Variants in FHIT observed in about 807,000 individuals in gnomAD.
FHIT encodes the protein bis(5'-adenosyl)-triphosphatase.
FHIT carries 19 observed loss-of-function variants against 17.9 expected under a neutral mutation model. The ratio of observed to expected loss-of-function variants is 1.06; its 90% CI spans 0.74 to 1.56. The LOEUF is 1.56. Ranked by LOEUF, FHIT falls within the 40% of genes most tolerant of loss-of-function variation. The probability of loss-of-function intolerance (pLI) is 0.00; values close to 1 mark genes in which losing one functional copy is unlikely to be tolerated. For missense variants in FHIT, 248 were observed against 189.2 expected (o/e 1.31, Z -1.82); for synonymous variants, 81 against 69.7 (o/e 1.16, Z -0.81).
intron 5 of FHIT, among the ~76,000 whole-genome samples, chr3:60,374,876 T>G (rs1369241584): frequency 6.6e-6 from 1 of 152,078 alleles, no homozygotes; most frequent in African/African-American, 2.4e-5. Flanking sequence ...TGCAGTTTTC[T>G]TTGCTGCTCT....
intron 2 of FHIT, among the ~76,000 whole-genome samples, chr3:61,182,521 C>A (rs2038372943): frequency 1.3e-5 from 2 of 152,134 alleles, no homozygotes; most frequent in South Asian, 4.1e-4. Context: ...TAGAAGGAAA[C>A]TGAAAAGATT....
At chr3:59,953,839 T>G (rs1707251622) in intron 7 of FHIT, among the ~76,000 whole-genome samples, 1 of 152,170 alleles carries the variant, frequency 6.6e-6, no homozygotes, top group African/African-American at 2.4e-5. Context: ...GTACCCCGAG[T>G]GTGTGCCTGG....
chr3:59,848,502 T>G (rs1235924530), intron 8 of FHIT, among the ~76,000 whole-genome samples: 3 of 152,208 alleles, frequency 2.0e-5, no homozygotes, highest in Non-Finnish European at 4.4e-5. Context: ...AGTAATCTTC[T>G]AAAATAATAT....
intron 5 of FHIT, among the ~76,000 whole-genome samples, chr3:60,414,363 G>T (rs184935466): frequency 1.9e-4 from 29 of 152,262 alleles, no homozygotes; most frequent in Non-Finnish European, 3.5e-4. Context: ...ACAGAAAGGG[G>T]CCTGAGCTGA....
In FHIT at chr3:59,780,339, G is replaced by A. The variant is rs180978342; in HGVS notation, c.349-28018C>T. Among the ~76,000 whole-genome samples the A allele has an allele frequency of 2.5e-3, 377 of 152,346 alleles. 1 individual carries two copies. The highest frequency in any genetic ancestry group is 4.0e-3 in the Non-Finnish European group (275 of 68,038). On this transcript the variant is annotated intron_variant, in intron 8 of 9. Coordinates refer to ENST00000492590, the MANE Select transcript of FHIT (RefSeq NM_002012.4). ...TTGCTTTGTTCTTGTTACAGATGAA[G>A]AAGTAGAATGTCAGTGGATTACAGT...
At chr3:60,507,748 C>G (rs2034792340) in intron 5 of FHIT, among the ~76,000 whole-genome samples, 1 of 152,150 alleles carries the variant, frequency 6.6e-6, no homozygotes, top group Admixed American at 6.6e-5. Context: ...TCATTTAACT[C>G]CCACTTATAA....
chr3:60,495,423 T>G (rs1435320575), intron 5 of FHIT, among the ~76,000 whole-genome samples: 1 of 151,782 alleles, frequency 6.6e-6, no homozygotes, highest in East Asian at 1.9e-4. Context: ...CCAAAAAGTT[T>G]ATGGGGCTTT....
chr3:60,151,842 C>A (rs957041193), intron 5 of FHIT, among the ~76,000 whole-genome samples: 1 of 152,158 alleles, frequency 6.6e-6, no homozygotes, highest in Non-Finnish European at 1.5e-5. Flanking sequence ...AAATAAGGCC[C>A]CTTTCCTAAT....
At chr3:60,528,239 G>A (rs2035646490) in intron 5 of FHIT, among the ~76,000 whole-genome samples, 1 of 152,042 alleles carries the variant, frequency 6.6e-6, no homozygotes. Flanking sequence ...CCAAAACTCT[G>A]GGATTACAGG....
At chr3:60,209,998 G>C (rs1703375147) in intron 5 of FHIT, among the ~76,000 whole-genome samples, 1 of 152,126 alleles carries the variant, frequency 6.6e-6, no homozygotes, top group South Asian at 2.1e-4. Context: ...AACCACCATG[G>C]CACACGTATA....
intron 5 of FHIT, among the ~76,000 whole-genome samples, chr3:60,443,205 C>T (rs924750628): frequency 2.6e-5 from 4 of 152,190 alleles, no homozygotes; most frequent in Non-Finnish European, 5.9e-5. Context: ...GATATACAAT[C>T]ATGTCATCTG....
At chr3:60,094,456 A>G (rs142167639) in intron 5 of FHIT, among the ~76,000 whole-genome samples, 45 of 152,256 alleles carry the variant, frequency 3.0e-4, no homozygotes, top group African/African-American at 1.0e-3. Flanking sequence ...AAATGCCCAC[A>G]TAGGCAATAC....
intron 7 of FHIT, among the ~76,000 whole-genome samples, chr3:59,978,820 A>C (rs13072228): frequency 1.3e-5 from 2 of 151,100 alleles, no homozygotes; most frequent in African/African-American, 2.4e-5. Flanking sequence ...ACCTTAAAAA[A>C]AGGCTAAAAC....
intron 5 of FHIT, among the ~76,000 whole-genome samples, chr3:60,484,046 A>T (rs573214037): frequency 3.7e-4 from 57 of 152,284 alleles, no homozygotes; most frequent in Non-Finnish European, 6.3e-4. Context: ...AGACAAGCAG[A>T]GAGCCAAATC....
chr3:60,694,296 T>TA lies in FHIT; in HGVS notation c.-18+127622dup, dbSNP rs781892478. On this transcript the variant is annotated intron_variant, in intron 4 of 9. Transcript: ENST00000492590. ...CTAGCCAATGTGAAGCAACATTAAA[T>TA]AAAAAAAAAAAGAAAGGAAAGAAAG... Among the ~76,000 whole-genome samples, 219 of 119,412 alleles carry TA rather than the reference T, an allele frequency of 1.8e-3. 1 individual carries two copies. Among genetic ancestry groups the TA allele is most frequent in the East Asian group, 9.7e-3 (41 of 4,244 alleles). The allele number at this position is 119,412 out of a possible 152,430, so 78.3% of individuals were successfully genotyped here.
At chr3:60,232,598 G>A (rs754097565) in intron 5 of FHIT, among the ~76,000 whole-genome samples, 53 of 152,084 alleles carry the variant, frequency 3.5e-4, no homozygotes, top group Non-Finnish European at 6.0e-4. Flanking sequence ...AATTATTAGC[G>A]TCCCACATTC....
chr3:60,773,153 T>G (rs1700102946), intron 4 of FHIT, among the ~76,000 whole-genome samples: 1 of 152,146 alleles, frequency 6.6e-6, no homozygotes, highest in South Asian at 2.1e-4. Flanking sequence ...TCACAGAATT[T>G]CAAGGCTGCA....
chr3:59,981,408 T>C (rs948737962), intron 7 of FHIT, among the ~76,000 whole-genome samples: 16 of 152,136 alleles, frequency 1.1e-4, no homozygotes, highest in African/African-American at 2.2e-4. Context: ...AAATGGGCCA[T>C]TGCTTCTGTG....
chr3:61,109,309 G>A (rs568325740), intron 2 of FHIT, among the ~76,000 whole-genome samples: 41 of 152,282 alleles, frequency 2.7e-4, no homozygotes, highest in African/African-American at 7.9e-4. Context: ...CCCAAGCTAA[G>A]AATCCAAGAA....
Sources: allele counts gnomAD v4.1 joint callset (sites outside exome capture counted in the v4.1 genomes callset), GRCh38; gene constraint gnomAD v4.1.1; transcripts MANE v1.5; gene names NCBI Gene and HGNC (gene_info 2026-07-23, HGNC 2026-07-21).